The following DAAM2 variants were observed in gnomAD, a reference collection of about 807,000 sequenced individuals.
DAAM2 encodes disheveled-associated activator of morphogenesis 2.
Under a neutral mutation model 120.7 loss-of-function variants are expected in DAAM2, and 39 were observed. The observed-to-expected ratio is 0.32, with a 90% confidence interval of 0.25 to 0.42. DAAM2 has a LOEUF of 0.42. Among genes scored for constraint, DAAM2 ranks in the 10% least tolerant of loss-of-function variants. The probability of loss-of-function intolerance (pLI) is 1.00; values close to 1 mark genes in which losing one functional copy is unlikely to be tolerated. For missense variants in DAAM2, 1,283 were observed against 1,401.7 expected (o/e 0.92, Z 1.35); for synonymous variants, 488 against 524.9 (o/e 0.93, Z 0.96).
At chr6:39,807,206 T>C (rs1054588006) in intron 1 of DAAM2, among the ~76,000 whole-genome samples, 5 of 145,212 alleles carry the variant, frequency 3.4e-5, no homozygotes, top group South Asian at 4.3e-4. Context: ...AAAAAAAGGG[T>C]GCTAGACATT....
Position 39,901,848 on chromosome 6 carries a change from G to A in DAAM2, c.3018G>A (p.Arg1006=), listed in dbSNP as rs1489060820. The A allele has an allele frequency of 3.8e-6, 6 of 1,566,836 alleles. No homozygotes were observed. In the South Asian group the frequency reaches 5.8e-5, roughly 15 times the overall value. ...AGAGGGAACGTGAGCGGTGGCAGCGGCAGCGGAAGGTCCTGGCTGCAGGCA... is the reference window on the plus strand; with the variant it reads ...AGAGGGAACGTGAGCGGTGGCAGCGACAGCGGAAGGTCCTGGCTGCAGGCA... ...KEQRERERWQ[R]QRKVLAAGSS... is the part of the protein sequence containing the mutation. Residue 1006 remains arginine (R), a synonymous_variant, in exon 25 of 25, where the codon CGG becomes CGA. Coordinates refer to ENST00000274867, the MANE Select transcript of DAAM2 (RefSeq NM_001201427.2). The surrounding 1 kb of genome is among the most constrained non-coding windows in gnomAD (Gnocchi z 4.5).
chr6:39,837,809 C>T (rs1763168261), intron 1 of DAAM2, among the ~76,000 whole-genome samples: 4 of 152,136 alleles, frequency 2.6e-5, no homozygotes, highest in African/African-American at 7.2e-5. Context: ...CTACAAAACC[C>T]CAATGCCATA....
intron 19 of DAAM2, among the ~76,000 whole-genome samples, chr6:39,896,020 G>A (rs1387786443): frequency 6.6e-6 from 1 of 151,472 alleles, no homozygotes; most frequent in Non-Finnish European, 1.5e-5. Flanking sequence ...TTATAATTTA[G>A]AATATGTTAT....
At chr6:39,869,649 A>G (rs1180305476) in intron 7 of DAAM2, among the ~76,000 whole-genome samples, 1 of 152,016 alleles carries the variant, frequency 6.6e-6, no homozygotes, top group Non-Finnish European at 1.5e-5. Context: ...AACGTTCCAA[A>G]TTCTAAGGCA....
rs567967881 is a variant in DAAM2 at position 39,897,084 on chromosome 6, C to T, written c.2511-91C>T. 12 of 1,518,566 alleles carry T rather than the reference C, an allele frequency of 7.9e-6. No homozygotes were observed. The African/African-American group carries it at 1.6e-4, about 21-fold the overall frequency. The allele number at this position is 1,518,566 out of a possible 1,614,324, so 94.1% of individuals were successfully genotyped here. A position where few individuals can be genotyped will look rare whatever the true frequency, so the allele number is the denominator to read the frequency against. On this transcript the variant is annotated intron_variant, in intron 20 of 24. Coordinates refer to ENST00000274867, the MANE Select transcript of DAAM2 (RefSeq NM_001201427.2). ...GACGGGAACATCCTAAGACTCATCA[C>T]CCCTTTCTCTTAACACTCCATCCTC... is the stretch of plus-strand genomic sequence containing the variant.
intron 1 of DAAM2, among the ~76,000 whole-genome samples, chr6:39,812,159 T>C (rs1185529006): frequency 1.3e-5 from 2 of 152,196 alleles, no homozygotes; most frequent in Non-Finnish European, 2.9e-5. Flanking sequence ...TCCCACTCCC[T>C]GGCCAGACCC....
At chr6:39,798,450 A>G (rs1021780222) in intron 1 of DAAM2, among the ~76,000 whole-genome samples, 1 of 152,214 alleles carries the variant, frequency 6.6e-6, no homozygotes. Flanking sequence ...TAAATCCAGT[A>G]TCACAAGGTA....
chr6:39,831,208 G>T (rs79220630), intron 1 of DAAM2, among the ~76,000 whole-genome samples: 1 of 152,184 alleles, frequency 6.6e-6, no homozygotes, highest in African/African-American at 2.4e-5. Context: ...ATACATTCTT[G>T]TGGGAGGGAT....
At chr6:39,826,875 C>G (rs1467394489) in intron 1 of DAAM2, among the ~76,000 whole-genome samples, 4 of 152,110 alleles carry the variant, frequency 2.6e-5, no homozygotes, top group Non-Finnish European at 5.9e-5. Flanking sequence ...AAGTACCCTT[C>G]AAGCTTCAAA....
chr6:39,792,780 T>G (rs1761585319), intron 1 of DAAM2, among the ~76,000 whole-genome samples: 1 of 152,228 alleles, frequency 6.6e-6, no homozygotes, highest in South Asian at 2.1e-4. Flanking sequence ...TTTTTGCGGC[T>G]TTGAAACCTG....
At chr6:39,826,416 C>T (rs766870582) in intron 1 of DAAM2, among the ~76,000 whole-genome samples, 2 of 152,054 alleles carry the variant, frequency 1.3e-5, no homozygotes, top group African/African-American at 2.4e-5. Context: ...GGTGAGCATC[C>T]CTGTGGTGTC....
At position 39,901,798 on chromosome 6, in the gene DAAM2, G is replaced by C; in HGVS notation, c.2983-15G>C. 6.6e-7 allele frequency: 1 copy of C among 1,512,706 alleles called. No individual in the cohort carries two copies. Among genetic ancestry groups the C allele is most frequent in the Non-Finnish European group, 8.8e-7 (1 of 1,132,758 alleles). 93.7% of individuals were successfully genotyped at this position (1,512,706 alleles called of 1,614,324 possible). A position where few individuals can be genotyped will look rare whatever the true frequency, so the allele number is the denominator to read the frequency against. On this transcript the variant is annotated splice_polypyrimidine_tract_variant and intron_variant, in intron 24 of 24. Coordinates refer to ENST00000274867, the MANE Select transcript of DAAM2 (RefSeq NM_001201427.2). The surrounding 1 kb of genome is among the most constrained non-coding windows in gnomAD (Gnocchi z 4.5). ...CTCCCTGAGAGGGTTCCTATCTTTG[G>C]CCCCCCGCCCGCAGCTGAAGGAGCA...
intron 10 of DAAM2, 129 bp from the exon 11 acceptor site, chr6:39,875,201 C>T (rs1469098625): frequency 3.0e-6 from 3 of 988,196 alleles, no homozygotes; most frequent in Non-Finnish European, 4.4e-6. Flanking sequence ...GCCTCTTCTT[C>T]TAGACTGGGA....
At chr6:39,830,226 A>T (rs1762828046) in intron 1 of DAAM2, among the ~76,000 whole-genome samples, 1 of 152,206 alleles carries the variant, frequency 6.6e-6, no homozygotes, top group Non-Finnish European at 1.5e-5. Context: ...CAGCATTCAC[A>T]CTGAAGCCTG....
At chr6:39,834,123 C>CGT (rs1299488880) in intron 1 of DAAM2, among the ~76,000 whole-genome samples, 2 of 152,138 alleles carry the variant, frequency 1.3e-5, no homozygotes, top group African/African-American at 4.8e-5. Flanking sequence ...CACTCAGTGA[C>CGT]GTGTGATGTA....
intron 1 of DAAM2, among the ~76,000 whole-genome samples, chr6:39,798,535 G>T (rs1761766657): frequency 6.6e-6 from 1 of 152,194 alleles, no homozygotes; most frequent in Admixed American, 6.5e-5. Flanking sequence ...AGGTTTCTGA[G>T]ATAAATGGTG....
At chr6:39,811,445 C>T (rs769736261) in intron 1 of DAAM2, among the ~76,000 whole-genome samples, 2 of 152,054 alleles carry the variant, frequency 1.3e-5, no homozygotes, top group Non-Finnish European at 2.9e-5. Context: ...GACAAAGTGC[C>T]TGTTCTCCTT....
intron 19 of DAAM2, among the ~76,000 whole-genome samples, chr6:39,891,945 C>T (rs1315211656): frequency 6.6e-6 from 1 of 152,236 alleles, no homozygotes; most frequent in African/African-American, 2.4e-5. Flanking sequence ...CCTTATGCCT[C>T]AGCATGCAAG....
chr6:39,899,889 G>T (rs1766366374), intron 22 of DAAM2, 188 bp from the exon 23 acceptor site: 2 of 578,228 alleles, frequency 3.5e-6, no homozygotes, highest in Non-Finnish European at 5.8e-6. Context: ...GAGAAAGAAA[G>T]ATGGCAGGGT....
Sources: allele counts gnomAD v4.1 joint callset (sites outside exome capture counted in the v4.1 genomes callset), GRCh38; gene constraint gnomAD v4.1.1; non-coding constraint Gnocchi (gnomAD v3.1); transcripts MANE v1.5; gene names NCBI Gene and HGNC (gene_info 2026-07-23, HGNC 2026-07-21).